The following PRDM16 variants were observed in gnomAD, a reference collection of about 807,000 sequenced individuals.
PRDM16 encodes PR/SET domain 16.
A neutral mutation model predicts 110.6 loss-of-function variants in PRDM16; 23 were observed. The ratio of observed to expected loss-of-function variants is 0.21; its 90% confidence interval spans 0.15 to 0.29. The LOEUF (loss-of-function observed/expected upper bound fraction) is 0.29. Ranked by LOEUF, PRDM16 falls within the 10% of genes least tolerant of loss-of-function variation. The pLI is 1.00. For missense variants in PRDM16, 1,615 were observed against 1,794.3 expected, an observed-to-expected ratio of 0.90 and a Z score of 1.81; for synonymous variants, 799 against 781.8, an observed-to-expected ratio of 1.02 and a Z score of -0.37.
rs115014572 is a variant in PRDM16 at position 3,086,712 on chromosome 1, C to T, written c.37+17416C>T. Among the ~76,000 whole-genome samples the T allele has an allele frequency of 8.4e-3, 1,272 of 152,320 alleles. 20 individuals carry two copies. Among genetic ancestry groups the T allele is most frequent in the African/African-American group, 0.027 (1,141 of 41,572 alleles). On this transcript the variant is annotated intron_variant, in intron 1 of 16. Transcript: ENST00000270722. Reference sequence around the variant, plus strand: ...GGGTGGAGATTTTCCCAAGTTACTCCGCTGCTTCCTTTCGGAGCTAACGAG... The same window carrying T: ...GGGTGGAGATTTTCCCAAGTTACTCTGCTGCTTCCTTTCGGAGCTAACGAG...
chr1:3,282,983 G>A (rs1004890404), intron 3 of PRDM16, among the ~76,000 whole-genome samples: 1 of 152,354 alleles, frequency 6.6e-6, no homozygotes, highest in East Asian at 1.9e-4. Flanking sequence ...CTTTGACACT[G>A]TCATCTTTCA....
At position 3,186,392 on chromosome 1, in the gene PRDM16, G is replaced by C. The variant is rs903532512; in HGVS notation, c.305G>C (p.Arg102Thr). The change falls in exon 2 of 17, where the codon AGG becomes ACG. Residue 102 changes from arginine to threonine, a missense_variant. Physicochemically the swap from Arg to Thr is moderately conservative, Grantham distance 71. Transcript: ENST00000270722. The stretch of plus-strand genomic sequence containing the variant: ...GCTGGCCTGGGGGTCTGGGCCAAGA[G>C]GAAGATGGAAGCCGGGGAGAGGCTG... ...PGAGLGVWAK[R>T]KMEAGERLGP... The C allele has an allele frequency of 1.2e-6, 2 of 1,606,572 alleles. No homozygotes were observed. Among genetic ancestry groups the C allele is most frequent in the African/African-American group, 2.7e-5 (2 of 74,608 alleles).
chr1:3,134,231 G>A (rs1396380307), intron 1 of PRDM16, among the ~76,000 whole-genome samples: 4 of 152,186 alleles, frequency 2.6e-5, no homozygotes, highest in South Asian at 2.1e-4. Context: ...CCACAGAGAG[G>A]GGATTGTGTG....
chr1:3,393,129 T>C (rs903720352), intron 4 of PRDM16, among the ~76,000 whole-genome samples: 1 of 152,160 alleles, frequency 6.6e-6, no homozygotes, highest in Non-Finnish European at 1.5e-5. Context: ...TTAAGAGGGT[T>C]CCCCACCCTC....
At chr1:3,336,285 T>C (rs1228944006) in intron 3 of PRDM16, among the ~76,000 whole-genome samples, 1 of 147,272 alleles carries the variant, frequency 6.8e-6, no homozygotes, top group Non-Finnish European at 1.5e-5. Flanking sequence ...TTTATCTCTG[T>C]GTATGAGCAC....
intron 1 of PRDM16, among the ~76,000 whole-genome samples, chr1:3,123,316 G>C (rs1169077019): frequency 2.6e-5 from 4 of 152,214 alleles, no homozygotes; most frequent in African/African-American, 7.2e-5. Context: ...TGACAGTCCT[G>C]GGCTGAGGGG....
intron 2 of PRDM16, among the ~76,000 whole-genome samples, chr1:3,232,508 C>A (rs1199748652): frequency 6.6e-6 from 1 of 152,134 alleles, no homozygotes; most frequent in African/African-American, 2.4e-5. Flanking sequence ...CAACGGGAAA[C>A]AATTGTACTT....
chr1:3,216,990 G>A (rs778053046), intron 2 of PRDM16, among the ~76,000 whole-genome samples: 28 of 152,238 alleles, frequency 1.8e-4, no homozygotes, highest in Non-Finnish European at 2.6e-4. Context: ...GAATTAACTC[G>A]TAGCCTAGCA....
intron 3 of PRDM16, among the ~76,000 whole-genome samples, chr1:3,373,438 A>C (rs1307204461): frequency 1.3e-5 from 2 of 152,178 alleles, no homozygotes; most frequent in East Asian, 1.9e-4. Flanking sequence ...TTCGGGGGGA[A>C]GTCCCAGGCC....
intron 3 of PRDM16, among the ~76,000 whole-genome samples, chr1:3,374,136 C>G (rs1260073364): frequency 6.6e-6 from 1 of 152,178 alleles, no homozygotes; most frequent in African/African-American, 2.4e-5. Flanking sequence ...ATCCCGGGGT[C>G]CCAGCCGCTG....
At chr1:3,421,504 C>A (rs931266796) in intron 12 of PRDM16, among the ~76,000 whole-genome samples, 2 of 152,216 alleles carry the variant, frequency 1.3e-5, no homozygotes, top group African/African-American at 4.8e-5. Flanking sequence ...CCCAGCTGCT[C>A]GGAGAACTCT....
chr1:3,388,691 C>T (rs2100613025), intron 4 of PRDM16, among the ~76,000 whole-genome samples: 1 of 152,348 alleles, frequency 6.6e-6, no homozygotes, highest in East Asian at 1.9e-4. Context: ...TTCCCCGAGT[C>T]TCCTGCTACT....
chr1:3,151,275 C>A (rs1349480948), intron 1 of PRDM16, among the ~76,000 whole-genome samples: 1 of 152,220 alleles, frequency 6.6e-6, no homozygotes, highest in Admixed American at 6.5e-5. Flanking sequence ...CCAAAACTCC[C>A]CAGAGTCCAG....
intron 3 of PRDM16, among the ~76,000 whole-genome samples, chr1:3,348,153 C>T (rs1259750631): frequency 6.6e-6 from 1 of 152,204 alleles, no homozygotes; most frequent in Non-Finnish European, 1.5e-5. Context: ...CAACCCACGT[C>T]CCAGCCTGGG....
At chr1:3,117,821 T>C (rs1430489802) in intron 1 of PRDM16, among the ~76,000 whole-genome samples, 2 of 152,086 alleles carry the variant, frequency 1.3e-5, no homozygotes, top group Non-Finnish European at 2.9e-5. Context: ...CTCGCTGGTC[T>C]TGGGGAGAGG....
intron 1 of PRDM16, among the ~76,000 whole-genome samples, chr1:3,162,906 A>G (rs1643912369): frequency 1.7e-5 from 1 of 58,108 alleles, no homozygotes; most frequent in African/African-American, 8.3e-5. Flanking sequence ...AGCCCCTGGC[A>G]TGGTCTAGAG....
At chr1:3,120,646 C>T (rs1398687114) in intron 1 of PRDM16, among the ~76,000 whole-genome samples, 2 of 152,346 alleles carry the variant, frequency 1.3e-5, no homozygotes, top group East Asian at 1.9e-4. Flanking sequence ...CGGGAGGATG[C>T]CTGCCCTTGC....
At chr1:3,278,494 A>G (rs1640639366) in intron 3 of PRDM16, among the ~76,000 whole-genome samples, 1 of 152,168 alleles carries the variant, frequency 6.6e-6, no homozygotes, top group Admixed American at 6.5e-5. Context: ...ATTTGCTCAC[A>G]TCGGCAACCC....
intron 7 of PRDM16, 95 bp from the exon 8 acceptor site, chr1:3,405,400 G>A (rs1233393751): frequency 5.1e-6 from 7 of 1,375,268 alleles, no homozygotes; most frequent in Admixed American, 2.7e-5. Flanking sequence ...AGACAGGCAG[G>A]GCCCTGCCCC....
Sources: allele counts gnomAD v4.1 joint callset (sites outside exome capture counted in the v4.1 genomes callset), GRCh38; gene constraint gnomAD v4.1.1; transcripts MANE v1.5; gene names NCBI Gene and HGNC (gene_info 2026-07-23, HGNC 2026-07-21).